MTR: variants seen among roughly 807,000 people sequenced by gnomAD.
MTR encodes the protein methionine synthase.
Under a neutral mutation model 154.8 loss-of-function variants are expected in MTR, and 84 were observed. That is an observed-to-expected ratio of 0.54 (90% CI 0.45 to 0.65). The LOEUF is 0.65. Ranked by LOEUF, MTR falls within the 30% of genes least tolerant of loss-of-function variation. The pLI, the probability that MTR is intolerant of heterozygous loss-of-function variation, is 0.00. For missense variants in MTR, 1,275 were observed against 1,570.2 expected (o/e 0.81, Z 3.18); for synonymous variants, 554 against 553.9 (o/e 1.00, Z 0.00).
rs1045262561 is a variant in MTR at position 236,903,472 on chromosome 1, C to T, written c.*5828C>T. 6.8e-6 allele frequency: 1 copy of T among 148,050 alleles called. No homozygotes were observed. Among genetic ancestry groups the T allele is most frequent in the Non-Finnish European group, 1.5e-5 (1 of 68,030 alleles). The allele number at this position is 148,050 out of a possible 1,614,324, so 9.2% of individuals were successfully genotyped here. ...TCTTCAAATGTAATTTTCAAAGATG[C>T]CTTTTGCCTCATCCCTTGCTTTTAA... On this transcript the variant is annotated 3_prime_UTR_variant, in exon 33 of 33. Transcript: ENST00000366577.
intron 20 of MTR, 137 bp from the exon 21 acceptor site, chr1:236,862,099 T>A (rs1572283555): frequency 1.3e-6 from 1 of 767,288 alleles, no homozygotes; most frequent in Non-Finnish European, 2.4e-6. Context: ...TTGTTCTGCC[T>A]ACTGTCAAAA....
intron 12 of MTR, among the ~76,000 whole-genome samples, chr1:236,830,198 A>C (rs1450125943): frequency 6.6e-6 from 1 of 151,742 alleles, no homozygotes; most frequent in Non-Finnish European, 1.5e-5. Context: ...TTTTTTTTTA[A>C]TACTCCAGAA....
chr1:236,861,111 T>TTG lies in MTR; in HGVS notation c.2044-13_2044-12insGT. On this transcript the variant is annotated splice_polypyrimidine_tract_variant and intron_variant, in intron 19 of 32. Coordinates refer to ENST00000366577, the MANE Select transcript of MTR (RefSeq NM_000254.3). The stretch of plus-strand genomic sequence containing the variant: ...TCTTTCTTTTTCTTTTTTTTTTTTT[T>TTG]TTGTCTTTTTTAGGGCATTGAAAAA... 2 of 1,535,320 alleles carry TTG rather than the reference T, an allele frequency of 1.3e-6. No individual in the cohort carries two copies. Among genetic ancestry groups the TTG allele is most frequent in the Non-Finnish European group, 1.7e-6 (2 of 1,147,438 alleles).
intron 27 of MTR, among the ~76,000 whole-genome samples, chr1:236,886,833 CA>C (rs1408829773): frequency 6.6e-6 from 1 of 152,124 alleles, no homozygotes; most frequent in East Asian, 1.9e-4. Flanking sequence ...TTCGCAGGCC[CA>C]GGGGCAGATG....
intron 8 of MTR, among the ~76,000 whole-genome samples, chr1:236,818,896 A>G (rs1223788023): frequency 6.6e-6 from 1 of 152,384 alleles, no homozygotes; most frequent in East Asian, 1.9e-4. Flanking sequence ...GCTATACAGA[A>G]CTATGAATAA....
Position 236,902,341 on chromosome 1 carries a change from C to G in MTR, c.*4697C>G, listed in dbSNP as rs954896569. The G allele has an allele frequency of 1.3e-5, 2 of 152,280 alleles. No individual in the cohort carries two copies. Among genetic ancestry groups the G allele is most frequent in the Non-Finnish European group, 2.9e-5 (2 of 68,104 alleles). 9.4% of individuals were successfully genotyped at this position (152,280 alleles called of 1,614,324 possible). A position where few individuals can be genotyped will look rare whatever the true frequency, so the allele number is the denominator to read the frequency against. On this transcript the variant is annotated 3_prime_UTR_variant, in exon 33 of 33. Transcript: ENST00000366577. Reference sequence around the variant, plus strand: ...ACCCCAAAGCTAAGTGAAGTGACCCCTCTTCTTGCCTCTGTAACACCGCCA... The same window carrying G: ...ACCCCAAAGCTAAGTGAAGTGACCCGTCTTCTTGCCTCTGTAACACCGCCA...
At chr1:236,825,767 A>G (rs552473206) in intron 10 of MTR, among the ~76,000 whole-genome samples, 1 of 152,210 alleles carries the variant, frequency 6.6e-6, no homozygotes, top group East Asian at 1.9e-4. Flanking sequence ...TGTCACCTCC[A>G]TGATTCTCGC....
intron 22 of MTR, among the ~76,000 whole-genome samples, chr1:236,864,253 A>G (rs1002214552): frequency 6.6e-6 from 1 of 152,208 alleles, no homozygotes; most frequent in Admixed American, 6.5e-5. Flanking sequence ...CTTTTGAGTC[A>G]TAGACTTCTT....
chr1:236,800,213 A>G, intron 1 of MTR: 1 of 985,414 alleles, frequency 1.0e-6, no homozygotes, highest in African/African-American at 1.7e-5. Context: ...AAATAATAGG[A>G]TATTGATTGA....
intron 21 of MTR, among the ~76,000 whole-genome samples, chr1:236,863,086 C>A (rs1296301758): frequency 6.6e-6 from 1 of 152,202 alleles, no homozygotes; most frequent in Non-Finnish European, 1.5e-5. Context: ...GGGACATACA[C>A]ATACAGTTAA....
intron 1 of MTR, among the ~76,000 whole-genome samples, chr1:236,802,260 T>G (rs1219490118): frequency 6.6e-6 from 1 of 152,228 alleles, no homozygotes; most frequent in East Asian, 1.9e-4. Flanking sequence ...GCAAGTTTGG[T>G]TTTGAATATT....
chr1:236,813,451 A>T (rs1190325290), intron 6 of MTR, among the ~76,000 whole-genome samples: 1 of 152,178 alleles, frequency 6.6e-6, no homozygotes, highest in Non-Finnish European at 1.5e-5. Context: ...TTTAGTGTCA[A>T]ATTACCCTCA....
intron 29 of MTR, among the ~76,000 whole-genome samples, chr1:236,894,045 C>CA (rs1196187542): frequency 2.0e-5 from 3 of 151,958 alleles, no homozygotes; most frequent in Non-Finnish European, 4.4e-5. Flanking sequence ...TGCCTGAAGG[C>CA]ATTCAGTAAA....
At chr1:236,856,642 T>C (rs987332016) in intron 18 of MTR, among the ~76,000 whole-genome samples, 1 of 152,086 alleles carries the variant, frequency 6.6e-6, no homozygotes, top group Admixed American at 6.5e-5. Context: ...CACCCCATCA[T>C]CTATATTAGG....
chr1:236,847,088 T>C (rs1349952207), intron 15 of MTR, among the ~76,000 whole-genome samples: 1 of 152,120 alleles, frequency 6.6e-6, no homozygotes, highest in Non-Finnish European at 1.5e-5. Flanking sequence ...GTTTTCACCA[T>C]GTTGGCCAGG....
At position 236,853,008 on chromosome 1, in the gene MTR, A is replaced by G; in HGVS notation, c.1873A>G (p.Lys625Glu). Residue 625 changes from lysine (K) to glutamate (E), a missense_variant, in exon 18 of 33, where the codon AAG becomes GAG. Physicochemically the swap from Lys to Glu is moderately conservative, Grantham distance 56. Coordinates refer to ENST00000366577, the MANE Select transcript of MTR (RefSeq NM_000254.3). ...CCTCCCTGTGTATGATGATATCCAT[A>G]AGGAACTTCTGCAGCTCTGTGAAGA... Reference protein sequence around the residue: ...GNLPVYDDIHKELLQLCEDLI... With the variant: ...GNLPVYDDIHEELLQLCEDLI... 1 of 1,614,052 alleles carries G rather than the reference A, an allele frequency of 6.2e-7. No individual in the cohort carries two copies. Among genetic ancestry groups the G allele is most frequent in the Non-Finnish European group, 8.5e-7 (1 of 1,179,928 alleles).
rs201520353 is a variant in MTR, at chr1:236,893,118, A to ATG, written c.3205-1238_3205-1237insGT. Among the ~76,000 whole-genome samples the ATG allele has an allele frequency of 7.1e-3, 1,087 of 152,088 alleles. 13 individuals carry two copies. The highest frequency in any genetic ancestry group is 0.048 in the Middle Eastern group (14 of 294). On this transcript the variant is annotated intron_variant, in intron 29 of 32. Coordinates refer to ENST00000366577, the MANE Select transcript of MTR (RefSeq NM_000254.3). ...TTCGAAGGTACCATGGGGCTCTGTG[A>ATG]TCTCTCTCTCCTGTGGCGCAGGGAA...
At chr1:236,827,451 T>C (rs983245734) in intron 11 of MTR, among the ~76,000 whole-genome samples, 3 of 152,214 alleles carry the variant, frequency 2.0e-5, no homozygotes, top group African/African-American at 4.8e-5. Flanking sequence ...TCCATTCTTA[T>C]TTCATCTATC....
intron 25 of MTR, among the ~76,000 whole-genome samples, chr1:236,881,553 C>T (rs1665736519): frequency 6.6e-6 from 1 of 151,972 alleles, no homozygotes; most frequent in Non-Finnish European, 1.5e-5. Flanking sequence ...CCATCCCGCT[C>T]CTAGTGTCCA....
Sources: allele counts gnomAD v4.1 joint callset (sites outside exome capture counted in the v4.1 genomes callset), GRCh38; gene constraint gnomAD v4.1.1; transcripts MANE v1.5; gene names NCBI Gene and HGNC (gene_info 2026-07-23, HGNC 2026-07-21).